CACNA1D: variants seen among roughly 807,000 people sequenced by gnomAD.
CACNA1D encodes the protein calcium voltage-gated channel subunit alpha1 D, also known as voltage-dependent L-type calcium channel subunit alpha-1D.
CACNA1D carries 55 observed loss-of-function variants against 257.1 expected under a neutral mutation model. The ratio of observed to expected loss-of-function variants is 0.21; its 90% CI spans 0.17 to 0.27. The LOEUF (loss-of-function observed/expected upper bound fraction) is 0.27, where lower values mean the gene tolerates loss of function less well. CACNA1D is among the 10% of genes least tolerant of loss of function. CACNA1D has a pLI of 1.00. For missense variants in CACNA1D, 1,876 were observed against 2,784.0 expected, an observed-to-expected ratio of 0.67 and a Z score of 7.34; for synonymous variants, 980 against 1,014.9, an observed-to-expected ratio of 0.97 and a Z score of 0.65.
intron 3 of CACNA1D, among the ~76,000 whole-genome samples, chr3:53,506,313 C>T (rs1575696622): frequency 6.6e-6 from 1 of 152,176 alleles, no homozygotes; most frequent in African/African-American, 2.4e-5. Context: ...GTGCCCAGTC[C>T]AACTCTCCTG....
At chr3:53,523,119 G>A (rs1308060300) in intron 3 of CACNA1D, among the ~76,000 whole-genome samples, 2 of 152,156 alleles carry the variant, frequency 1.3e-5, no homozygotes, top group Non-Finnish European at 1.5e-5. Context: ...TTTTGGGTGG[G>A]TACTTCATTT....
intron 5 of CACNA1D, 69 bp from the exon 6 acceptor site, chr3:53,665,591 G>T: frequency 1.7e-6 from 2 of 1,190,642 alleles, no homozygotes; most frequent in South Asian, 1.2e-5. Flanking sequence ...GGCATGGTTA[G>T]GAATTATATA....
intron 38 of CACNA1D, among the ~76,000 whole-genome samples, chr3:53,780,637 C>T (rs1356527346): frequency 6.6e-6 from 1 of 152,242 alleles, no homozygotes; most frequent in African/African-American, 2.4e-5. Flanking sequence ...GGATCAGCAT[C>T]TTCCCAGCTG....
chr3:53,799,605 C>T (rs1466438197), intron 40 of CACNA1D, among the ~76,000 whole-genome samples: 1 of 152,234 alleles, frequency 6.6e-6, no homozygotes, highest in Non-Finnish European at 1.5e-5. Flanking sequence ...TCAGCCTGCA[C>T]ACAGGCTACA....
intron 3 of CACNA1D, among the ~76,000 whole-genome samples, chr3:53,522,046 G>T (rs1228270618): frequency 6.6e-6 from 1 of 152,084 alleles, no homozygotes; most frequent in Non-Finnish European, 1.5e-5. Context: ...TGAGGTAGGA[G>T]GATTGCTTCA....
chr3:53,769,307 G>C (rs1233404178), intron 30 of CACNA1D, among the ~76,000 whole-genome samples: 1 of 152,218 alleles, frequency 6.6e-6, no homozygotes, highest in Admixed American at 6.5e-5. Context: ...GTCCTCCACT[G>C]TTTCTTCCAA....
intron 5 of CACNA1D, among the ~76,000 whole-genome samples, chr3:53,664,183 A>G (rs1041471277): frequency 6.6e-5 from 10 of 151,796 alleles, no homozygotes; most frequent in Non-Finnish European, 1.5e-4. Flanking sequence ...GTCAGTCTCA[A>G]CCTCCCCCTT....
At chr3:53,522,986 A>G (rs1257767812) in intron 3 of CACNA1D, among the ~76,000 whole-genome samples, 2 of 152,094 alleles carry the variant, frequency 1.3e-5, no homozygotes, top group Non-Finnish European at 2.9e-5. Flanking sequence ...CAGCTTTTTT[A>G]GTTCCCACAT....
At chr3:53,760,729 G>A (rs2095296473) in intron 29 of CACNA1D, among the ~76,000 whole-genome samples, 1 of 152,186 alleles carries the variant, frequency 6.6e-6, no homozygotes, top group African/African-American at 2.4e-5. Context: ...ACAATTGTGG[G>A]GATGTTGTAC....
Position 53,800,340 on chromosome 3 carries a change from G to A in CACNA1D, c.5015G>A (p.Arg1672Gln), listed in dbSNP as rs148898845. 2.4e-5 allele frequency: 38 copies of A among 1,611,900 alleles called. 1 individual carries two copies. The Middle Eastern group carries it at 2.8e-3, about 119-fold the overall frequency. ...LQDDEPEETK[R>Q]EEEDDVFKRN... ...GATGACGAGCCTGAGGAAACAAAAC[G>A]AGAAGAAGAAGATGATGTGTTCAAA... Residue 1672 changes from arginine (R) to glutamine (Q), a missense_variant, in exon 41 of 48, where the codon CGA becomes CAA. Arg to Gln is a conservative substitution (Grantham distance 43). Coordinates refer to ENST00000350061, the MANE Select transcript of CACNA1D (RefSeq NM_001128840.3). This position sits in a 1 kb window ranked among gnomAD's most constrained non-coding sequence, Gnocchi z 4.3.
At chr3:53,688,052 C>T (rs902387164) in intron 8 of CACNA1D, among the ~76,000 whole-genome samples, 2 of 152,218 alleles carry the variant, frequency 1.3e-5, no homozygotes, top group Admixed American at 6.5e-5. Flanking sequence ...CATATACTCA[C>T]CATATGGCCA....
At chr3:53,756,541 C>T (rs1358885488) in intron 29 of CACNA1D, among the ~76,000 whole-genome samples, 2 of 152,188 alleles carry the variant, frequency 1.3e-5, no homozygotes, top group South Asian at 2.1e-4. Flanking sequence ...TGTGGGTTCC[C>T]GAAGGGAAAG....
chr3:53,501,133 G>A (rs1011475573), intron 2 of CACNA1D, among the ~76,000 whole-genome samples: 2 of 152,210 alleles, frequency 1.3e-5, no homozygotes, highest in African/African-American at 4.8e-5. Context: ...GTCCAGACAG[G>A]CGATTTAGGC....
Position 53,522,561 on chromosome 3 carries a change from A to G in CACNA1D, c.483+20841A>G, listed in dbSNP as rs570800660. Among the ~76,000 whole-genome samples the G allele has an allele frequency of 5.3e-5, 8 of 152,352 alleles. No individual in the cohort carries two copies. In the South Asian group the frequency reaches 1.4e-3, roughly 28 times the overall value. ...AAGTGTGTTCTTTCTTGGAGAGGTT[A>G]GCTCCTAAAAGTGAATGCTGAATGA... On this transcript the variant is annotated intron_variant, in intron 3 of 47. Coordinates refer to ENST00000350061, the MANE Select transcript of CACNA1D (RefSeq NM_001128840.3).
chr3:53,560,960 A>G (rs1257093566), intron 3 of CACNA1D, among the ~76,000 whole-genome samples: 2 of 152,238 alleles, frequency 1.3e-5, no homozygotes, highest in Non-Finnish European at 1.5e-5. Flanking sequence ...GCTTATGGAT[A>G]CAACCTGTAA....
chr3:53,776,503 G>T, intron 35 of CACNA1D, 100 bp from the exon 36 acceptor site: 1 of 1,401,694 alleles, frequency 7.1e-7, no homozygotes, highest in East Asian at 2.3e-5. Context: ...TGGAGACATG[G>T]GTTCCCATGT....
intron 4 of CACNA1D, among the ~76,000 whole-genome samples, chr3:53,656,002 G>C (rs886923202): frequency 1.8e-4 from 27 of 152,216 alleles, no homozygotes; most frequent in African/African-American, 6.3e-4. Flanking sequence ...CATATGGCTT[G>C]CCAGTTATCC....
In CACNA1D at chr3:53,507,958, G is replaced by T. The variant is rs1366703242; in HGVS notation, c.483+6238G>T. On this transcript the variant is annotated intron_variant, in intron 3 of 47. Transcript: ENST00000350061. ...CCAAAGAGTCCACTGGGTAGAAATG[G>T]CATCAGACACAGCTGGAAAGGGGGG... Among the ~76,000 whole-genome samples, 3 of 142,544 alleles carry T rather than the reference G, an allele frequency of 2.1e-5. No individual in the cohort carries two copies. The Admixed American group carries it at 2.2e-4, about 11-fold the overall frequency. 93.5% of individuals were successfully genotyped at this position (142,544 alleles called of 152,430 possible).
intron 8 of CACNA1D, among the ~76,000 whole-genome samples, chr3:53,701,698 G>T (rs1216214712): frequency 2.6e-5 from 4 of 152,214 alleles, no homozygotes; most frequent in African/African-American, 9.7e-5. Context: ...ACAACTCACG[G>T]TTGGAGATGC....
Sources: allele counts gnomAD v4.1 joint callset (sites outside exome capture counted in the v4.1 genomes callset), GRCh38; gene constraint gnomAD v4.1.1; non-coding constraint Gnocchi (gnomAD v3.1); transcripts MANE v1.5; gene names NCBI Gene and HGNC (gene_info 2026-07-23, HGNC 2026-07-21).